The following LRGUK variants were observed in gnomAD, a reference collection of about 807,000 sequenced individuals.
LRGUK encodes leucine-rich repeat and guanylate kinase domain-containing protein.
LRGUK carries 65 observed loss-of-function variants against 76.0 expected under a neutral mutation model. The ratio of observed to expected loss-of-function variants is 0.85; its 90% CI spans 0.70 to 1.05. The LOEUF is 1.05. Ranked by LOEUF, LRGUK falls within the 50% of genes least tolerant of loss-of-function variation. The pLI, the probability that LRGUK is intolerant of heterozygous loss-of-function variation, is 0.00. For synonymous variants in LRGUK, 268 were observed against 265.6 expected, an observed-to-expected ratio of 1.01 and a Z score of -0.09; for missense variants, 758 against 732.8, an observed-to-expected ratio of 1.03 and a Z score of -0.40.
chr7:134,267,892 C>T (rs896030124), downstream of LRGUK, among the ~76,000 whole-genome samples: 2 of 151,330 alleles, frequency 1.3e-5, no homozygotes, highest in African/African-American at 4.9e-5. Flanking sequence ...GCCAGTGTAA[C>T]GAACCTGCAC....
chr7:134,265,232 TA>T, downstream of LRGUK, among the ~76,000 whole-genome samples: 1 of 152,312 alleles, frequency 6.6e-6, no homozygotes, highest in South Asian at 2.1e-4. Flanking sequence ...TGAAATATTT[TA>T]GGGACAATAG....
intron 5 of LRGUK, among the ~76,000 whole-genome samples, chr7:134,152,893 A>G (rs568460240): frequency 3.9e-5 from 6 of 152,210 alleles, no homozygotes; most frequent in Admixed American, 1.3e-4. Flanking sequence ...TACAGTAGAG[A>G]AAATGAATGG....
chr7:134,178,304 T>A (rs1272410453), intron 9 of LRGUK, among the ~76,000 whole-genome samples, 199 bp from the exon 10 acceptor site: 1 of 152,132 alleles, frequency 6.6e-6, no homozygotes, highest in Non-Finnish European at 1.5e-5. Context: ...TCAATATTTT[T>A]AAATAATTAT....
rs549233598 is a variant in LRGUK, at chr7:134,191,772, T to C, written c.1431+21T>C. 5.4e-6 allele frequency: 8 copies of C among 1,480,564 alleles called. No individual in the cohort carries two copies. In the East Asian group the frequency reaches 1.1e-4, roughly 21 times the overall value. 91.7% of individuals were successfully genotyped at this position (1,480,564 alleles called of 1,614,324 possible). A position where few individuals can be genotyped will look rare whatever the true frequency, so the allele number is the denominator to read the frequency against. ...ACATGGTAAGAATGTTTGCCTTTGT[T>C]TTTATTGCACAAGAAATACACGTTC... On this transcript the variant is annotated intron_variant, in intron 12 of 15. Coordinates refer to ENST00000645682, the Ensembl canonical transcript of LRGUK.
intron 7 of LRGUK, among the ~76,000 whole-genome samples, chr7:134,171,319 A>G (rs1413729612): frequency 2.6e-5 from 4 of 152,064 alleles, no homozygotes; most frequent in Non-Finnish European, 4.4e-5. Context: ...ATTTTTCTGC[A>G]CAGATTTATG....
intron 16 of LRGUK, among the ~76,000 whole-genome samples, chr7:134,233,529 T>C (rs1003305110): frequency 6.6e-6 from 1 of 152,206 alleles, no homozygotes; most frequent in Non-Finnish European, 1.5e-5. Context: ...AGTGGACCTG[T>C]GGTGACAAAG....
intron 5 of LRGUK, among the ~76,000 whole-genome samples, chr7:134,154,729 G>A (rs1222040918): frequency 4.6e-5 from 7 of 152,220 alleles, no homozygotes; most frequent in Non-Finnish European, 8.8e-5. Flanking sequence ...AGAAACCATA[G>A]GTATGATTGC....
chr7:134,231,798 T>C (rs1801906010), intron 16 of LRGUK, among the ~76,000 whole-genome samples: 3 of 146,130 alleles, frequency 2.1e-5, no homozygotes, highest in Admixed American at 1.4e-4. Flanking sequence ...CTTCCTCCCT[T>C]CTTTACTTCT....
rs1293577205 is a variant in LRGUK at position 134,199,439 on chromosome 7, A to G, written c.1747+18A>G. The G allele has an allele frequency of 6.3e-7, 1 of 1,599,792 alleles. No individual in the cohort carries two copies. The highest frequency in any genetic ancestry group is 2.2e-5 in the East Asian group (1 of 44,636). On this transcript the variant is annotated intron_variant, in intron 14 of 15. Coordinates refer to ENST00000645682, the Ensembl canonical transcript of LRGUK. ...CAATGCAGGTTGGTAATTTTCAGCAAAGTTTTGTTTTTGAAATGTAAGATT... is the reference window on the plus strand; with the variant it reads ...CAATGCAGGTTGGTAATTTTCAGCAGAGTTTTGTTTTTGAAATGTAAGATT...
At chr7:134,205,930 C>CA (rs1238124498) in intron 15 of LRGUK, among the ~76,000 whole-genome samples, 1 of 152,140 alleles carries the variant, frequency 6.6e-6, no homozygotes, top group Non-Finnish European at 1.5e-5. Context: ...AAAGTATTCC[C>CA]AGATATCTGA....
chr7:134,178,134 C>T (rs1481563733), intron 9 of LRGUK, among the ~76,000 whole-genome samples: 2 of 152,050 alleles, frequency 1.3e-5, no homozygotes, highest in African/African-American at 2.4e-5. Context: ...TCCTTTTTCA[C>T]ATATTAAAAG....
chr7:134,195,396 G>A (rs1291094026), intron 12 of LRGUK, among the ~76,000 whole-genome samples: 2 of 152,170 alleles, frequency 1.3e-5, no homozygotes, highest in Non-Finnish European at 2.9e-5. Flanking sequence ...CCCAAAGTTA[G>A]TTCAGCCTGT....
chr7:134,202,060 T>C (rs1020751817), intron 15 of LRGUK, among the ~76,000 whole-genome samples: 5 of 152,130 alleles, frequency 3.3e-5, no homozygotes, highest in African/African-American at 9.7e-5. Flanking sequence ...TGTGCTCTCT[T>C]GGGTGAGCTC....
At chr7:134,173,742 T>TATGTCATAC (rs1218825942) in intron 7 of LRGUK, among the ~76,000 whole-genome samples, 6 of 152,104 alleles carry the variant, frequency 3.9e-5, no homozygotes, top group Non-Finnish European at 2.9e-5. Flanking sequence ...CATCAAGAAA[T>TATGTCATAC]ATGTCATACA....
intron 11 of LRGUK, among the ~76,000 whole-genome samples, chr7:134,187,082 T>C (rs931038000): frequency 1.8e-4 from 27 of 152,130 alleles, no homozygotes; most frequent in Non-Finnish European, 1.0e-4. Context: ...TAAAAGACTA[T>C]GCATCGGATG....
intron 15 of LRGUK, among the ~76,000 whole-genome samples, chr7:134,221,112 G>A (rs1801583715): frequency 6.6e-6 from 1 of 152,068 alleles, no homozygotes; most frequent in African/African-American, 2.4e-5. Flanking sequence ...TTGGGTGGGG[G>A]TAGCTTTCCA....
intron 12 of LRGUK, among the ~76,000 whole-genome samples, chr7:134,195,513 G>A (rs753994932): frequency 2.0e-4 from 30 of 152,256 alleles, no homozygotes; most frequent in Non-Finnish European, 3.4e-4. Flanking sequence ...AGGTTTCAGT[G>A]GTGCAGATGA....
intron 11 of LRGUK, among the ~76,000 whole-genome samples, chr7:134,190,079 T>C (rs11487152): frequency 0.12 from 18,995 of 152,238 alleles, 1,829 homozygotes; most frequent in East Asian, 0.38. Context: ...GTAACATTAC[T>C]TAATCGCTGT....
intron 15 of LRGUK, among the ~76,000 whole-genome samples, chr7:134,220,249 T>C (rs1343678321): frequency 6.6e-6 from 1 of 152,218 alleles, no homozygotes; most frequent in Non-Finnish European, 1.5e-5. Context: ...TCTTTTGATA[T>C]AGTCCTCGCC....
Sources: gnomAD v4.1 joint callset for allele counts (sites outside exome capture counted in the v4.1 genomes callset) on GRCh38, gnomAD v4.1.1 for gene constraint, MANE v1.5 for transcripts, NCBI Gene and HGNC (gene_info 2026-07-23, HGNC 2026-07-21) for gene names.